The following ZNF362 variants were observed in gnomAD, a reference collection of about 807,000 sequenced individuals.
The protein encoded by ZNF362 is rotund homolog.
A neutral mutation model predicts 42.9 loss-of-function variants in ZNF362; 11 were observed. That is an observed-to-expected ratio of 0.26 (90% CI 0.16 to 0.42). ZNF362 has a LOEUF of 0.42. ZNF362 is among the 20% of genes least tolerant of loss of function. The pLI, the probability that ZNF362 is intolerant of heterozygous loss-of-function variation, is 1.00. For synonymous variants in ZNF362, 255 were observed against 257.3 expected, an observed-to-expected ratio of 0.99 and a Z score of 0.09; for missense variants, 362 against 576.2, an observed-to-expected ratio of 0.63 and a Z score of 3.81.
the ZNF362 span, among the ~76,000 whole-genome samples, chr1:33,243,721 C>T: frequency 1.3e-5 from 2 of 151,418 alleles, no homozygotes. Context: ...CTCAGCCTCC[C>T]GAATAGCTGG....
At chr1:33,254,466 C>T (rs980466434), upstream of ZNF362, among the ~76,000 whole-genome samples, 4 of 152,162 alleles carry the variant, frequency 2.6e-5, no homozygotes, top group Non-Finnish European at 5.9e-5. Flanking sequence ...TCGGACTTTC[C>T]TTGATTTGGA....
the ZNF362 span, among the ~76,000 whole-genome samples, chr1:33,243,850 C>T: frequency 4.6e-5 from 7 of 151,636 alleles, no homozygotes; most frequent in Admixed American, 2.0e-4. Context: ...CCTCGTGATC[C>T]GCCCGCCTCG....
chr1:33,207,193 A>G, the ZNF362 span, among the ~76,000 whole-genome samples: 1 of 151,674 alleles, frequency 6.6e-6, no homozygotes, highest in Non-Finnish European at 1.5e-5. Flanking sequence ...GAGTGAGAAC[A>G]TGCGGTGTTT....
At chr1:33,152,508 G>A in the ZNF362 span, among the ~76,000 whole-genome samples, 2 of 151,666 alleles carry the variant, frequency 1.3e-5, no homozygotes, top group South Asian at 2.1e-4. Flanking sequence ...CGGAGGTTGT[G>A]GTGAGCCAAG....
rs147313520 is a variant in ZNF362, at chr1:33,262,970, G to A, written c.-89+6316G>A. Among the ~76,000 whole-genome samples, 424 of 152,300 alleles carry A rather than the reference G, an allele frequency of 2.8e-3. 3 individuals are homozygous for A. The highest frequency in any genetic ancestry group is 9.6e-3 in the African/African-American group (397 of 41,558). On this transcript the variant is annotated intron_variant, in intron 1 of 8. Transcript: ENST00000539719. Reference sequence around the variant, plus strand: ...AGGACCACATACCCAAGCGTACACCGTGCACTCTCCTGGGAAACAGCACAC... The same window carrying A: ...AGGACCACATACCCAAGCGTACACCATGCACTCTCCTGGGAAACAGCACAC...
the ZNF362 span, among the ~76,000 whole-genome samples, chr1:33,182,963 A>G: frequency 6.6e-6 from 1 of 152,150 alleles, no homozygotes; most frequent in South Asian, 2.1e-4. Flanking sequence ...TACCATCTGC[A>G]AGGTGAAGAA....
chr1:33,250,852 G>GGAAGAAGAAGAAGAAGAAGAAGAA, the ZNF362 span, among the ~76,000 whole-genome samples: 1,857 of 137,548 alleles, frequency 0.014, 24 homozygotes, highest in Admixed American at 0.029. Context: ...GAAGAAAGAA[G>GGAAGAAGAAGAAGAAGAAGAAGAA]GAAGAAGAAG....
chr1:33,176,559 G>T, the ZNF362 span: 1 of 601,456 alleles, frequency 1.7e-6, no homozygotes, highest in African/African-American at 1.8e-5. Flanking sequence ...GACGGCCAGA[G>T]AGCCGGATGC....
the ZNF362 span, chr1:33,180,968 C>G: frequency 4.3e-6 from 2 of 464,824 alleles, no homozygotes; most frequent in Non-Finnish European, 7.9e-6. Flanking sequence ...CCACCCCCCG[C>G]CCGGCCCCAC....
At chr1:33,286,461 T>G (rs771016660) in intron 6 of ZNF362, among the ~76,000 whole-genome samples, 1 of 152,088 alleles carries the variant, frequency 6.6e-6, no homozygotes, top group Non-Finnish European at 1.5e-5. Context: ...GTTCTTTGAC[T>G]CAGGGATTAT....
At position 33,266,533 on chromosome 1, in the gene ZNF362, C is replaced by CT. The variant is rs2148072906; in HGVS notation, c.-88-3951dup. 6.6e-6 allele frequency among the ~76,000 whole-genome samples: 1 copy of CT among 152,280 alleles called. No individual in the cohort carries two copies. Among genetic ancestry groups the CT allele is most frequent in the South Asian group, 2.1e-4 (1 of 4,820 alleles). On this transcript the variant is annotated intron_variant, in intron 1 of 8. Coordinates refer to ENST00000539719, the MANE Select transcript of ZNF362 (RefSeq NM_152493.3). The surrounding 1 kb of genome is among the most constrained non-coding windows in gnomAD (Gnocchi z 4.3). ...CTATGTGGGAAACGTCAAAAGTGAC[C>CT]TTTAAGTTGAGACAGGAGGGAAGAC...
the ZNF362 span, among the ~76,000 whole-genome samples, chr1:33,246,656 C>T: frequency 2.0e-5 from 3 of 152,218 alleles, no homozygotes; most frequent in Non-Finnish European, 4.4e-5. Context: ...GTGATTTATG[C>T]CATTGCTTTG....
chr1:33,192,503 A>G, the ZNF362 span, among the ~76,000 whole-genome samples: 1 of 152,168 alleles, frequency 6.6e-6, no homozygotes, highest in African/African-American at 2.4e-5. Context: ...GAAAGTGACT[A>G]TTTGGGTAGA....
At chr1:33,161,055 A>G in the ZNF362 span, among the ~76,000 whole-genome samples, 1 of 152,254 alleles carries the variant, frequency 6.6e-6, no homozygotes, top group Admixed American at 6.5e-5. This position sits in a 1 kb window ranked among gnomAD's most constrained non-coding sequence, Gnocchi z 4.3. Flanking sequence ...GTTGCCTAAG[A>G]GCTGTGAACC....
At chr1:33,227,458 T>C in the ZNF362 span, among the ~76,000 whole-genome samples, 2 of 152,134 alleles carry the variant, frequency 1.3e-5, no homozygotes, top group Non-Finnish European at 2.9e-5. Flanking sequence ...AAGCCATATA[T>C]AAGCCATGAA....
the ZNF362 span, among the ~76,000 whole-genome samples, chr1:33,223,181 G>A: frequency 2.6e-5 from 4 of 152,132 alleles, no homozygotes; most frequent in Non-Finnish European, 5.9e-5. Context: ...AACCCAGGAA[G>A]CAGAGCTTGC....
intron 2 of ZNF362, 55 bp from the exon 3 acceptor site, chr1:33,276,045 G>T: frequency 2.5e-6 from 4 of 1,598,024 alleles, no homozygotes; most frequent in Non-Finnish European, 3.4e-6. Flanking sequence ...AGGGGTGCTC[G>T]CCCCAGGCCT....
intron 2 of ZNF362, among the ~76,000 whole-genome samples, chr1:33,271,499 G>T (rs1349761302): frequency 6.6e-6 from 1 of 152,246 alleles, no homozygotes; most frequent in Non-Finnish European, 1.5e-5. Context: ...CCTTGCCCAA[G>T]ATCACACAGC....
intron 4 of ZNF362, among the ~76,000 whole-genome samples, chr1:33,277,158 CCAG>C (rs1467063603): frequency 6.6e-6 from 1 of 152,230 alleles, no homozygotes; most frequent in Non-Finnish European, 1.5e-5. Flanking sequence ...CATTGTACTC[CCAG>C]CAGCCTGTGA....
Sources: allele counts gnomAD v4.1 joint callset (sites outside exome capture counted in the v4.1 genomes callset), GRCh38; gene constraint gnomAD v4.1.1; non-coding constraint Gnocchi (gnomAD v3.1); transcripts MANE v1.5; gene names NCBI Gene and HGNC (gene_info 2026-07-23, HGNC 2026-07-21).